The following MNAT1 variants were observed in gnomAD, a reference collection of about 807,000 sequenced individuals.
MNAT1 encodes the protein CDK-activating kinase assembly factor MAT1.
In MNAT1, 43 loss-of-function variants were observed where a neutral mutation model predicts 42.0. The observed-to-expected ratio is 1.02, with a 90% CI of 0.80 to 1.32. MNAT1 has a LOEUF of 1.32. MNAT1 is among the 40% of genes most tolerant of loss of function. MNAT1 has a pLI of 0.00. For missense variants in MNAT1, 306 were observed against 350.4 expected, an observed-to-expected ratio of 0.87 and a Z score of 1.01; for synonymous variants, 118 against 120.0, an observed-to-expected ratio of 0.98 and a Z score of 0.11.
chr14:60,787,793 A>T (rs1377388929), intron 1 of MNAT1, among the ~76,000 whole-genome samples: 1 of 152,156 alleles, frequency 6.6e-6, no homozygotes, highest in Non-Finnish European at 1.5e-5. Context: ...AAGTTTGATC[A>T]TGAGATTGCA....
intron 6 of MNAT1, among the ~76,000 whole-genome samples, chr14:60,852,058 AT>A (rs2033837082): frequency 1.3e-5 from 2 of 151,460 alleles, no homozygotes; most frequent in South Asian, 4.2e-4. Context: ...ATCCTTTGGG[AT>A]TGCTGGGTCA....
intron 7 of MNAT1, among the ~76,000 whole-genome samples, chr14:60,915,090 C>T (rs1248550794): frequency 2.6e-5 from 4 of 152,168 alleles, no homozygotes; most frequent in Non-Finnish European, 5.9e-5. Flanking sequence ...ATTTTTAATG[C>T]AGATTGCTGT....
At chr14:60,964,370 G>A (rs1341753202) in intron 7 of MNAT1, among the ~76,000 whole-genome samples, 1 of 152,120 alleles carries the variant, frequency 6.6e-6, no homozygotes, top group African/African-American at 2.4e-5. Context: ...ATAAATTAGG[G>A]CATAAGATGT....
intron 1 of MNAT1, among the ~76,000 whole-genome samples, chr14:60,747,636 G>A (rs952167083): frequency 2.0e-5 from 3 of 152,158 alleles, no homozygotes; most frequent in African/African-American, 7.2e-5. Context: ...TAAGTAGTGA[G>A]TGAATGTTAA....
At chr14:60,933,556 A>C (rs1242386627) in intron 7 of MNAT1, among the ~76,000 whole-genome samples, 1 of 152,162 alleles carries the variant, frequency 6.6e-6, no homozygotes, top group Non-Finnish European at 1.5e-5. Flanking sequence ...AAGGGAGTAC[A>C]TGATTGACAA....
chr14:60,959,991 CTTAT>C (rs1341673764), intron 7 of MNAT1, among the ~76,000 whole-genome samples: 2 of 130,456 alleles, frequency 1.5e-5, no homozygotes, highest in Non-Finnish European at 3.1e-5. Context: ...ATAGCTGTAA[CTTAT>C]TTATTTTCAC....
chr14:60,855,599 C>T (rs2033938690), intron 6 of MNAT1, among the ~76,000 whole-genome samples: 2 of 152,160 alleles, frequency 1.3e-5, no homozygotes, highest in Non-Finnish European at 2.9e-5. Flanking sequence ...AGCGATGCCC[C>T]ACCCTTGCTT....
At chr14:60,748,832 C>T (rs894505624) in intron 1 of MNAT1, among the ~76,000 whole-genome samples, 5 of 152,088 alleles carry the variant, frequency 3.3e-5, no homozygotes, top group Admixed American at 3.3e-4. Context: ...ATTAAGAAGT[C>T]ACAGTATCGT....
intron 7 of MNAT1, among the ~76,000 whole-genome samples, chr14:60,880,515 C>T (rs1353578247): frequency 1.3e-5 from 2 of 151,936 alleles, no homozygotes; most frequent in Non-Finnish European, 2.9e-5. Flanking sequence ...GATCCAGAAA[C>T]TGTTGTTGCT....
chr14:60,956,003 C>G (rs151253748), intron 7 of MNAT1, among the ~76,000 whole-genome samples: 87 of 151,976 alleles, frequency 5.7e-4, no homozygotes, highest in African/African-American at 2.0e-3. Context: ...TGTCTAATCT[C>G]TATTTTATTT....
intron 3 of MNAT1, among the ~76,000 whole-genome samples, chr14:60,800,497 G>A (rs116923334): frequency 0.021 from 3,249 of 152,100 alleles, 60 homozygotes; most frequent in Middle Eastern, 0.061. Context: ...CCATGGTTGC[G>A]CCACTGCACT....
At chr14:60,966,630 A>G (rs2036688281) in intron 7 of MNAT1, among the ~76,000 whole-genome samples, 1 of 152,186 alleles carries the variant, frequency 6.6e-6, no homozygotes. Context: ...CTCCTGCCTC[A>G]TCCTCCTGGG....
intron 7 of MNAT1, among the ~76,000 whole-genome samples, chr14:60,967,919 GCC>G (rs1238780656): frequency 6.6e-6 from 1 of 152,176 alleles, no homozygotes; most frequent in Non-Finnish European, 1.5e-5. Flanking sequence ...CCAAAAAACA[GCC>G]AACAAAACAA....
intron 6 of MNAT1, among the ~76,000 whole-genome samples, chr14:60,871,399 C>G (rs1270035403): frequency 6.6e-6 from 1 of 152,192 alleles, no homozygotes; most frequent in Non-Finnish European, 1.5e-5. Context: ...ATTGTATACT[C>G]TCATCTGCAG....
At chr14:60,824,172 A>G in intron 6 of MNAT1, among the ~76,000 whole-genome samples, 1 of 152,154 alleles carries the variant, frequency 6.6e-6, no homozygotes, top group East Asian at 1.9e-4. Flanking sequence ...AAAAATAATA[A>G]ATCACCATTC....
chr14:60,889,367 A>T (rs1849893352), intron 7 of MNAT1, among the ~76,000 whole-genome samples: 1 of 152,198 alleles, frequency 6.6e-6, no homozygotes, highest in South Asian at 2.1e-4. Context: ...TCCCTATTTA[A>T]TAAATGGTGC....
intron 6 of MNAT1, among the ~76,000 whole-genome samples, chr14:60,853,634 G>A (rs1017696389): frequency 1.3e-5 from 2 of 152,166 alleles, no homozygotes; most frequent in African/African-American, 4.8e-5. Flanking sequence ...AGTTTTCAAA[G>A]GGAATGCTTC....
chr14:60,768,005 C>G (rs1207441829), intron 1 of MNAT1, among the ~76,000 whole-genome samples: 1 of 151,928 alleles, frequency 6.6e-6, no homozygotes, highest in East Asian at 1.9e-4. Flanking sequence ...AACTTATGAT[C>G]TGCCTGCCTC....
At chr14:60,833,809 C>CT (rs1333868948) in intron 6 of MNAT1, among the ~76,000 whole-genome samples, 4 of 151,950 alleles carry the variant, frequency 2.6e-5, no homozygotes, top group Non-Finnish European at 4.4e-5. Flanking sequence ...TGTTCCTGGG[C>CT]TTTTTTTGGT....
Sources: gnomAD v4.1 joint callset for allele counts (sites outside exome capture counted in the v4.1 genomes callset) on GRCh38, gnomAD v4.1.1 for gene constraint, MANE v1.5 for transcripts, NCBI Gene and HGNC (gene_info 2026-07-23, HGNC 2026-07-21) for gene names.